STT3B: variants seen among roughly 807,000 people sequenced by gnomAD.
STT3B encodes the protein dolichyl-diphosphooligosaccharide--protein glycosyltransferase subunit STT3B.
In STT3B, 29 loss-of-function variants were observed where a neutral mutation model predicts 96.8. The ratio of observed to expected loss-of-function variants is 0.30; its 90% confidence interval spans 0.22 to 0.41. The LOEUF (loss-of-function observed/expected upper bound fraction) is 0.41, where lower values mean the gene tolerates loss of function less well. Ranked by LOEUF, STT3B falls within the 10% of genes least tolerant of loss-of-function variation. STT3B has a pLI of 1.00. For synonymous variants in STT3B, 367 were observed against 360.0 expected (o/e 1.02, Z -0.22); for missense variants, 640 against 1,022.3 (o/e 0.63, Z 5.10).
chr3:31,607,658 A>G (rs1263041884), intron 5 of STT3B, among the ~76,000 whole-genome samples: 1 of 152,156 alleles, frequency 6.6e-6, no homozygotes, highest in East Asian at 1.9e-4. Context: ...CAAGTGTTAT[A>G]TAATTGAATA....
At chr3:31,597,837 A>ATTT (rs1303104009) in intron 4 of STT3B, among the ~76,000 whole-genome samples, 1 of 106,886 alleles carries the variant, frequency 9.4e-6, no homozygotes, top group Non-Finnish European at 2.4e-5. Flanking sequence ...CATTATTATT[A>ATTT]TTATTATTTT....
intron 1 of STT3B, among the ~76,000 whole-genome samples, chr3:31,556,149 G>A (rs1697705901): frequency 1.3e-5 from 2 of 151,444 alleles, no homozygotes; most frequent in Admixed American, 1.3e-4. Flanking sequence ...AGTGAGAACT[G>A]TGAAATTTGT....
chr3:31,568,297 A>G (rs908252854), intron 1 of STT3B, among the ~76,000 whole-genome samples: 6 of 152,176 alleles, frequency 3.9e-5, no homozygotes, highest in African/African-American at 1.2e-4. Context: ...AATCTTGGCT[A>G]TTATGAATAA....
Position 31,615,114 on chromosome 3 carries a change from C to T in STT3B, c.887C>T (p.Thr296Ile). The change falls in exon 6 of 16, where the codon ACT (threonine) becomes ATT (isoleucine). Residue 296 changes from threonine to isoleucine, a missense_variant. This residue lies in a region of STT3B where 267 missense variants were observed against 388.3 expected (regional missense o/e 0.69). Coordinates refer to ENST00000295770, the MANE Select transcript of STT3B (RefSeq NM_178862.3). ...YSKRVYIAYSTFYIVGLILSM... is the reference protein window; with the variant it reads ...YSKRVYIAYSIFYIVGLILSM... Reference sequence around the variant, plus strand: ...TATTTTGTCTTTATAGCATATAGCACTTTCTACATTGTGGGTTTAATATTA... The same window carrying T: ...TATTTTGTCTTTATAGCATATAGCATTTTCTACATTGTGGGTTTAATATTA... 1.9e-6 allele frequency: 3 copies of T among 1,606,172 alleles called. No individual in the cohort carries two copies. The highest frequency in any genetic ancestry group is 2.6e-6 in the Non-Finnish European group (3 of 1,174,608).
chr3:31,570,557 T>A (rs1698112524), intron 1 of STT3B, among the ~76,000 whole-genome samples: 1 of 152,120 alleles, frequency 6.6e-6, no homozygotes, highest in Non-Finnish European at 1.5e-5. Context: ...TGCTGAAACA[T>A]CTCAAAAAGC....
chr3:31,564,953 T>A (rs1697965534), intron 1 of STT3B, among the ~76,000 whole-genome samples: 2 of 152,194 alleles, frequency 1.3e-5, no homozygotes, highest in Admixed American at 1.3e-4. Context: ...ATATAATAAT[T>A]ATGGTGATAA....
intron 10 of STT3B, among the ~76,000 whole-genome samples, chr3:31,623,156 TG>T (rs140984436): frequency 0.012 from 1,776 of 152,294 alleles, 37 homozygotes; most frequent in African/African-American, 0.041. Context: ...TTCCCTTTTC[TG>T]TTGGGGAAGG....
intron 3 of STT3B, among the ~76,000 whole-genome samples, chr3:31,586,177 C>T (rs372036868): frequency 1.3e-5 from 2 of 152,010 alleles, no homozygotes; most frequent in African/African-American, 4.8e-5. Flanking sequence ...TTATGGCTTT[C>T]GTTTGCTTTT....
chr3:31,554,363 A>G (rs1697640335), intron 1 of STT3B, among the ~76,000 whole-genome samples: 1 of 152,220 alleles, frequency 6.6e-6, no homozygotes, highest in Non-Finnish European at 1.5e-5. Context: ...AATTTGAAAA[A>G]GAACCAGGTG....
At chr3:31,615,922 T>C (rs937368864) in intron 6 of STT3B, among the ~76,000 whole-genome samples, 3 of 151,938 alleles carry the variant, frequency 2.0e-5, no homozygotes, top group Admixed American at 2.0e-4. Flanking sequence ...TTTTGTACTT[T>C]TTGAGAATCC....
chr3:31,582,050 C>G (rs1698417811), intron 3 of STT3B, among the ~76,000 whole-genome samples: 1 of 152,150 alleles, frequency 6.6e-6, no homozygotes, highest in Non-Finnish European at 1.5e-5. Flanking sequence ...GTCCCGCTTT[C>G]TGATTTTAGT....
At chr3:31,635,905 A>C (rs923845517) in intron 15 of STT3B, 79 bp from the exon 16 acceptor site, 6 of 1,036,476 alleles carry the variant, frequency 5.8e-6, no homozygotes, top group Non-Finnish European at 8.6e-6. Flanking sequence ...ATCATAGTTC[A>C]GTAAACCATG....
chr3:31,635,944 A>G (rs768263084), intron 15 of STT3B, 40 bp from the exon 16 acceptor site: 1 of 1,478,984 alleles, frequency 6.8e-7, no homozygotes. Flanking sequence ...TTAATCAGTA[A>G]GAAACCTGCA....
At chr3:31,617,878 A>G in intron 7 of STT3B, 62 bp from the exon 8 acceptor site, 1 of 1,122,652 alleles carries the variant, frequency 8.9e-7, no homozygotes, top group East Asian at 2.4e-5. Context: ...ACATAAAGGC[A>G]ATAAAAGATT....
intron 1 of STT3B, among the ~76,000 whole-genome samples, chr3:31,568,999 A>ACTTT (rs1224347263): frequency 6.6e-6 from 1 of 151,892 alleles, no homozygotes; most frequent in Non-Finnish European, 1.5e-5. Context: ...TCTTTTCTTT[A>ACTTT]CTTTCTTTCT....
intron 1 of STT3B, among the ~76,000 whole-genome samples, chr3:31,561,518 G>A (rs574088834): frequency 3.6e-4 from 54 of 151,934 alleles, no homozygotes; most frequent in Non-Finnish European, 7.2e-4. Context: ...TTATTCATTC[G>A]TGCTGGAATT....
intron 3 of STT3B, among the ~76,000 whole-genome samples, chr3:31,596,384 A>C (rs1371036361): frequency 2.6e-5 from 4 of 152,108 alleles, no homozygotes; most frequent in Non-Finnish European, 4.4e-5. Flanking sequence ...GGTGTGGTTC[A>C]GCCCATTGAA....
chr3:31,537,053 T>C (rs1406601736), intron 1 of STT3B, among the ~76,000 whole-genome samples: 4 of 152,242 alleles, frequency 2.6e-5, no homozygotes, highest in Admixed American at 2.0e-4. Context: ...CTAGAGAGAA[T>C]TCTCTGAGCC....
intron 13 of STT3B, 93 bp downstream of exon 13, chr3:31,626,220 C>A: frequency 8.7e-7 from 1 of 1,151,930 alleles, no homozygotes; most frequent in Non-Finnish European, 1.2e-6. Flanking sequence ...TTTGTTTCAT[C>A]ATCCTATCCC....
Sources: allele counts gnomAD v4.1 joint callset (sites outside exome capture counted in the v4.1 genomes callset), GRCh38; gene constraint gnomAD v4.1.1; regional missense constraint gnomAD v4.1.1; transcripts MANE v1.5; gene names NCBI Gene and HGNC (gene_info 2026-07-23, HGNC 2026-07-21).